TNIK: variants seen among roughly 807,000 people sequenced by gnomAD.
TNIK encodes TRAF2 and NCK interacting kinase.
TNIK carries 49 observed loss-of-function variants against 191.3 expected under a neutral mutation model. The ratio of observed to expected loss-of-function variants is 0.26; its 90% CI spans 0.20 to 0.32. TNIK has a LOEUF of 0.32. Among genes scored for constraint, TNIK ranks in the 10% least tolerant of loss-of-function variants. TNIK has a pLI of 1.00. For missense variants in TNIK, 1,155 were observed against 1,702.3 expected (o/e 0.68, Z 5.66); for synonymous variants, 594 against 600.9 (o/e 0.99, Z 0.17).
At chr3:171,407,343 T>C (rs1460428103) in intron 1 of TNIK, among the ~76,000 whole-genome samples, 2 of 152,220 alleles carry the variant, frequency 1.3e-5, no homozygotes, top group Non-Finnish European at 2.9e-5. Flanking sequence ...TAAGATTCTA[T>C]TAACCTTCCA....
chr3:171,112,024 AG>A (rs1457680106), intron 18 of TNIK, among the ~76,000 whole-genome samples: 1 of 152,206 alleles, frequency 6.6e-6, no homozygotes, highest in Non-Finnish European at 1.5e-5. Flanking sequence ...GATCATAACG[AG>A]GTATACTTGA....
chr3:171,179,496 G>A (rs1736384003), intron 7 of TNIK, among the ~76,000 whole-genome samples: 1 of 151,976 alleles, frequency 6.6e-6, no homozygotes. Context: ...CTGTCGCCCA[G>A]GCTGGAGTGC....
At chr3:171,103,153 TTACA>T (rs1016191843) in intron 21 of TNIK, among the ~76,000 whole-genome samples, 6 of 152,080 alleles carry the variant, frequency 3.9e-5, no homozygotes, top group African/African-American at 1.4e-4. Flanking sequence ...AACCTTTGCA[TTACA>T]TACAGAAACA....
chr3:171,068,101 C>G (rs1414717285), intron 30 of TNIK, among the ~76,000 whole-genome samples: 1 of 152,194 alleles, frequency 6.6e-6, no homozygotes, highest in Non-Finnish European at 1.5e-5. Context: ...ACACTTTACA[C>G]TACACTTAAT....
At chr3:171,088,886 G>T (rs1196232037) in intron 23 of TNIK, among the ~76,000 whole-genome samples, 1 of 152,168 alleles carries the variant, frequency 6.6e-6, no homozygotes, top group Admixed American at 6.5e-5. Flanking sequence ...CATCAACACA[G>T]TATTTTTTAG....
intron 2 of TNIK, among the ~76,000 whole-genome samples, chr3:171,250,012 A>G (rs538680766): frequency 2.6e-5 from 4 of 152,336 alleles, no homozygotes; most frequent in African/African-American, 9.6e-5. Context: ...GAAGAGAGCA[A>G]AGCACAGTCC....
chr3:171,153,136 C>T (rs1732690690), intron 12 of TNIK, among the ~76,000 whole-genome samples: 1 of 152,122 alleles, frequency 6.6e-6, no homozygotes, highest in Non-Finnish European at 1.5e-5. Context: ...GTCTTCCTGA[C>T]CTCTGAGCAG....
chr3:171,148,653 G>T (rs1380945461), intron 12 of TNIK, among the ~76,000 whole-genome samples: 1 of 152,192 alleles, frequency 6.6e-6, no homozygotes, highest in Admixed American at 6.5e-5. Context: ...GTACTCCCGA[G>T]ATGATACTAA....
chr3:171,172,131 A>C (rs1372340205), intron 9 of TNIK, among the ~76,000 whole-genome samples: 1 of 152,018 alleles, frequency 6.6e-6, no homozygotes. Flanking sequence ...TGAAGGTACA[A>C]GTTAAAAAAC....
chr3:171,406,149 A>G (rs968500690), intron 1 of TNIK, among the ~76,000 whole-genome samples: 1 of 119,092 alleles, frequency 8.4e-6, no homozygotes, highest in African/African-American at 3.6e-5. Flanking sequence ...ATGATCAAAG[A>G]AGAGCTAGAA....
At chr3:171,241,379 A>G (rs974947501) in intron 2 of TNIK, among the ~76,000 whole-genome samples, 2 of 152,194 alleles carry the variant, frequency 1.3e-5, no homozygotes, top group Non-Finnish European at 2.9e-5. Flanking sequence ...TAGAACAAGT[A>G]CTGTTATCAG....
chr3:171,325,599 C>G (rs1343340325), intron 2 of TNIK, among the ~76,000 whole-genome samples: 1 of 151,502 alleles, frequency 6.6e-6, no homozygotes, highest in Non-Finnish European at 1.5e-5. Flanking sequence ...TTATGGAACA[C>G]ACTTATCCTT....
rs1010412075 is a variant in TNIK, at chr3:171,366,459, C to A, written c.123+3161G>T. Among the ~76,000 whole-genome samples the A allele has an allele frequency of 8.5e-5, 13 of 152,138 alleles. No individual in the cohort carries two copies. The highest frequency in any genetic ancestry group is 2.9e-4 in the African/African-American group (12 of 41,508). ...TTTCTATATCTAGATGTACCTGACT[C>A]ACATGCAGATATATTTCAAGGTGTT... On this transcript the variant is annotated intron_variant, in intron 2 of 32. Transcript: ENST00000436636. This position sits in a 1 kb window ranked among gnomAD's most constrained non-coding sequence, Gnocchi z 4.1.
chr3:171,161,242 T>C (rs1230298926), intron 11 of TNIK, 28 bp downstream of exon 11: 1 of 1,605,484 alleles, frequency 6.2e-7, no homozygotes, highest in Non-Finnish European at 8.5e-7. Context: ...AATGTGAACA[T>C]TAGAAGACTT....
At chr3:171,190,117 G>A (rs1737855118) in intron 6 of TNIK, among the ~76,000 whole-genome samples, 1 of 152,086 alleles carries the variant, frequency 6.6e-6, no homozygotes, top group African/African-American at 2.4e-5. Context: ...TTCTCTATTT[G>A]GGCAGTCCCA....
chr3:171,288,732 T>C (rs377068471), intron 2 of TNIK, among the ~76,000 whole-genome samples: 21 of 144,294 alleles, frequency 1.5e-4, no homozygotes, highest in African/African-American at 5.2e-4. Flanking sequence ...TACTTGAACG[T>C]GGGAGGTGGA....
At chr3:171,431,706 G>A (rs1365474519) in intron 1 of TNIK, among the ~76,000 whole-genome samples, 2 of 151,940 alleles carry the variant, frequency 1.3e-5, no homozygotes, top group African/African-American at 4.8e-5. Flanking sequence ...TATGAAATTG[G>A]TAAAATCATT....
At chr3:171,209,064 G>GGTGT (rs61264225) in intron 4 of TNIK, among the ~76,000 whole-genome samples, 6,437 of 141,968 alleles carry the variant, frequency 0.045, 378 homozygotes, top group African/African-American at 0.14. Flanking sequence ...CTTTGGAAGG[G>GGTGT]GTGTGTGTGT....
At chr3:171,118,801 A>G (rs953432508) in intron 18 of TNIK, among the ~76,000 whole-genome samples, 1 of 152,194 alleles carries the variant, frequency 6.6e-6, no homozygotes, top group African/African-American at 2.4e-5. Flanking sequence ...AGATGGATTA[A>G]AGACTTAAAT....
Sources: allele counts gnomAD v4.1 joint callset (sites outside exome capture counted in the v4.1 genomes callset), GRCh38; gene constraint gnomAD v4.1.1; non-coding constraint Gnocchi (gnomAD v3.1); transcripts MANE v1.5; gene names NCBI Gene and HGNC (gene_info 2026-07-23, HGNC 2026-07-21).